The following NEIL1 variants were observed in gnomAD, a reference collection of about 807,000 sequenced individuals.
The protein encoded by NEIL1 is endonuclease 8-like 1.
In NEIL1, 31 loss-of-function variants were observed where a neutral mutation model predicts 44.2. The observed-to-expected ratio is 0.70, with a 90% CI of 0.53 to 0.95. NEIL1 has a LOEUF of 0.95. NEIL1 is among the 40% of genes least tolerant of loss of function. NEIL1 has a pLI of 0.00. For synonymous variants in NEIL1, 254 were observed against 209.7 expected, an observed-to-expected ratio of 1.21 and a Z score of -1.83; for missense variants, 549 against 515.5, an observed-to-expected ratio of 1.07 and a Z score of -0.63.
In NEIL1 at chr15:75,355,208, G is replaced by A. The variant is rs2072256845; in HGVS notation, c.*174G>A. 1 of 603,350 alleles carries A rather than the reference G, an allele frequency of 1.7e-6. No homozygotes were observed. The highest frequency in any genetic ancestry group is 2.9e-6 in the Non-Finnish European group (1 of 343,742). The allele number at this position is 603,350 out of a possible 1,614,324, so 37.4% of individuals were successfully genotyped here. ...CATCTTCCACATCTTTAAAGCTCATGTGAAAAATGCTGCATTTTTAATAAA... is the reference window on the plus strand; with the variant it reads ...CATCTTCCACATCTTTAAAGCTCATATGAAAAATGCTGCATTTTTAATAAA... On this transcript the variant is annotated 3_prime_UTR_variant, in exon 10 of 10. Transcript: ENST00000355059.
rs1321222651 is a variant in NEIL1, at chr15:75,354,699, A to C, written c.983A>C (p.Lys328Thr). 1.9e-6 allele frequency: 3 copies of C among 1,614,046 alleles called. No individual in the cohort carries two copies. Among genetic ancestry groups the C allele is most frequent in the Non-Finnish European group, 2.5e-6 (3 of 1,180,030 alleles). The change falls in exon 9 of 10, where the codon AAG (lysine) becomes ACG (threonine). Residue 328 changes from lysine to threonine, a missense_variant. By Grantham distance (78) the Lys-to-Thr change is moderately conservative. Transcript: ENST00000355059. ...GCCCCTTCCAGGACACGAAGGGCAA[A>C]GAGAGACCTTCCTAAGAGGACTGCA... is the stretch of plus-strand genomic sequence containing the variant. ...SKAPSRTRRA[K>T]RDLPKRTATQ... is the part of the protein sequence containing the mutation.
chr15:75,350,010 G>T (rs966471094), intron 2 of NEIL1, among the ~76,000 whole-genome samples: 2 of 152,212 alleles, frequency 1.3e-5, no homozygotes, highest in Non-Finnish European at 2.9e-5. Flanking sequence ...GTGAGGCTGA[G>T]CGGAATTGTT....
At chr15:75,353,656 G>A (rs751563171) in intron 5 of NEIL1, 83 bp from the exon 6 acceptor site, 1 of 1,461,744 alleles carries the variant, frequency 6.8e-7, no homozygotes, top group Non-Finnish European at 9.6e-7. Flanking sequence ...TGTAGCTGAG[G>A]TCTGGGCCAG....
chr15:75,350,783 G>T (rs115211636), intron 2 of NEIL1, among the ~76,000 whole-genome samples: 74 of 152,246 alleles, frequency 4.9e-4, no homozygotes, highest in African/African-American at 1.7e-3. Flanking sequence ...TGGCTCTGAA[G>T]TTTCTCTCAA....
In NEIL1 at chr15:75,353,840, CGGCAT is replaced by C. The variant is rs775175493; in HGVS notation, c.824_828del (p.His275ProfsTer32). 6.2e-7 allele frequency: 1 copy of C among 1,613,320 alleles called. No homozygotes were observed. Among genetic ancestry groups the C allele is most frequent in the Non-Finnish European group, 8.5e-7 (1 of 1,180,016 alleles). On this transcript the variant is annotated frameshift_variant, in exon 6 of 10. Transcript: ENST00000355059. LOFTEE classifies it high-confidence loss of function. ...GCCAGGCATGAGCTCCCTGCAGGACCGGCATGGCCGTACCATCTGGTTCCAGGTTG... is the reference window on the plus strand; with the variant it reads ...GCCAGGCATGAGCTCCCTGCAGGACCGGCCGTACCATCTGGTTCCAGGTTG...
intron 3 of NEIL1, 32 bp downstream of exon 3, chr15:75,352,262 G>A (rs760875380): frequency 1.1e-5 from 18 of 1,614,056 alleles, no homozygotes; most frequent in Middle Eastern, 1.6e-4. Context: ...TGGGGACTGC[G>A]GTGGGCCAGG....
chr15:75,347,425 C>G lies in NEIL1; in HGVS notation c.-71C>G, dbSNP rs2071529298. On this transcript the variant is annotated 5_prime_UTR_variant, in exon 1 of 10. Coordinates refer to ENST00000355059, the MANE Select transcript of NEIL1 (RefSeq NM_024608.4). ...GCCTCAGACCTGCCCCCGCATCTCG[C>G]CGGCGCCAGGCAGTGGGAAGTCAGG... The G allele has an allele frequency of 6.6e-6, 1 of 152,458 alleles. No homozygotes were observed. Among genetic ancestry groups the G allele is most frequent in the African/African-American group, 2.4e-5 (1 of 41,596 alleles). The allele number at this position is 152,458 out of a possible 1,614,324, so 9.4% of individuals were successfully genotyped here.
chr15:75,352,514 C>A, intron 4 of NEIL1, 88 bp from the exon 5 acceptor site: 1 of 1,547,860 alleles, frequency 6.5e-7, no homozygotes, highest in Non-Finnish European at 8.9e-7. Flanking sequence ...GGATGAACTG[C>A]CCAAAGTCTG....
intron 5 of NEIL1, chr15:75,352,914 T>C: frequency 2.0e-6 from 1 of 507,096 alleles, no homozygotes. Context: ...CCGAGTGGGG[T>C]GGCTCACCTG....
chr15:75,353,108 C>T (rs533989659), intron 5 of NEIL1: 18 of 178,442 alleles, frequency 1.0e-4, no homozygotes, highest in Non-Finnish European at 1.9e-4. Flanking sequence ...TGCCATTGCA[C>T]TCCAGCCTGG....
chr15:75,354,270 A>C lies in NEIL1; in HGVS notation c.867A>C (p.Ala289=). Residue 289 remains alanine, a synonymous_variant, in exon 7 of 10, where the codon GCA becomes GCC. Transcript: ENST00000355059. ...IWFQGDPGPL[A]PKGRKSRKKK... is the part of the protein sequence containing the mutation. ...TTTAGGGGGATCCTGGACCGTTGGC[A>C]CCCAAAGGTAAGCTACTCCTAATGT... The C allele has an allele frequency of 6.2e-7, 1 of 1,614,076 alleles. No individual in the cohort carries two copies. Among genetic ancestry groups the C allele is most frequent in the African/African-American group, 1.3e-5 (1 of 75,016 alleles).
intron 2 of NEIL1, chr15:75,351,238 T>G (rs1214961337): frequency 3.6e-5 from 16 of 450,630 alleles, no homozygotes; most frequent in Non-Finnish European, 7.1e-5. Flanking sequence ...GAGTCTGAGG[T>G]GATAAACACA....
intron 1 of NEIL1, chr15:75,348,529 C>T (rs778216304): frequency 8.4e-5 from 96 of 1,141,396 alleles, no homozygotes; most frequent in Non-Finnish European, 9.9e-5. Flanking sequence ...ACAGCAGGGG[C>T]CAAGGCGGAG....
At chr15:75,350,035 AG>A (rs1222989978) in intron 2 of NEIL1, among the ~76,000 whole-genome samples, 3 of 152,192 alleles carry the variant, frequency 2.0e-5, no homozygotes. Flanking sequence ...GGGGATGGGG[AG>A]GGGACTATCT....
At chr15:75,353,508 G>A (rs1021713411) in intron 5 of NEIL1, 15 of 633,804 alleles carry the variant, frequency 2.4e-5, no homozygotes, top group Non-Finnish European at 4.6e-5. Context: ...TTACAGGTGT[G>A]GCCACTGCAC....
Position 75,349,215 on chromosome 15 carries a change from G to A in NEIL1, c.310G>A (p.Ala104Thr), listed in dbSNP as rs746963285. 1.2e-6 allele frequency: 2 copies of A among 1,609,216 alleles called. No homozygotes were observed. Among genetic ancestry groups the A allele is most frequent in the East Asian group, 2.2e-5 (1 of 44,870 alleles). ...CCATGCCCACCTGCGCTTTTACACG[G>A]CCCCGCCTGGCCCCCGGCTCGCCCT... ...PRHAHLRFYT[A>T]PPGPRLALCF... Residue 104 changes from alanine (A) to threonine (T), a missense_variant, in exon 2 of 10, where the codon GCC (alanine) becomes ACC (threonine). Coordinates refer to ENST00000355059, the MANE Select transcript of NEIL1 (RefSeq NM_024608.4).
Position 75,355,297 on chromosome 15 carries a change from T to TC in NEIL1, c.*265dup. On this transcript the variant is annotated 3_prime_UTR_variant, in exon 10 of 10. Coordinates refer to ENST00000355059, the MANE Select transcript of NEIL1 (RefSeq NM_024608.4). Reference sequence around the variant, plus strand: ...ATGGCCAGGTAGGAAGGGCCTGCTGTCCGGTCCTGGTGACAGAAGGCCCAG... The same window carrying TC: ...ATGGCCAGGTAGGAAGGGCCTGCTGTCCCGGTCCTGGTGACAGAAGGCCCAG... The TC allele has an allele frequency of 2.2e-6, 1 of 444,844 alleles. No individual in the cohort carries two copies. The highest frequency in any genetic ancestry group is 2.4e-5 in the South Asian group (1 of 41,036). The allele number at this position is 444,844 out of a possible 1,614,324, so 27.6% of individuals were successfully genotyped here.
chr15:75,348,568 A>G, intron 1 of NEIL1: 1 of 1,206,748 alleles, frequency 8.3e-7, no homozygotes, highest in Non-Finnish European at 1.0e-6. Flanking sequence ...GGGAGCCGGG[A>G]AGAAGTAAGG....
rs759557637 is a variant in NEIL1 at position 75,356,320 on chromosome 15, A to ACGACCG, written c.*1289_*1294dup. On this transcript the variant is annotated 3_prime_UTR_variant, in exon 10 of 10. Transcript: ENST00000355059. The surrounding 1 kb of genome is among the most constrained non-coding windows in gnomAD (Gnocchi z 5.8). ...CCTTGCCTGCTTGACGGTCTCCAATACGACCGCGGGTGAAGACACGGAAAA... is the reference window on the plus strand; with the variant it reads ...CCTTGCCTGCTTGACGGTCTCCAATACGACCGCGACCGCGGGTGAAGACACGGAAAA... 8.1e-6 allele frequency: 13 copies of ACGACCG among 1,611,366 alleles called. No homozygotes were observed. Among genetic ancestry groups the ACGACCG allele is most frequent in the South Asian group, 3.3e-5 (3 of 90,776 alleles).
Sources: gnomAD v4.1 joint callset for allele counts (sites outside exome capture counted in the v4.1 genomes callset) on GRCh38, gnomAD v4.1.1 for gene constraint, Gnocchi (gnomAD v3.1) non-coding constraint, MANE v1.5 for transcripts, NCBI Gene and HGNC (gene_info 2026-07-23, HGNC 2026-07-21) for gene names.